The following SNX7 variants were observed in gnomAD, a reference collection of about 807,000 sequenced individuals.
SNX7 encodes the protein sorting nexin-7.
Under a neutral mutation model 48.4 loss-of-function variants are expected in SNX7, and 35 were observed. The ratio of observed to expected loss-of-function variants is 0.72; its 90% CI spans 0.55 to 0.96. The LOEUF (loss-of-function observed/expected upper bound fraction) is 0.96, where lower values mean the gene tolerates loss of function less well. Ranked by LOEUF, SNX7 falls within the 40% of genes least tolerant of loss-of-function variation. SNX7 has a pLI of 0.00. For synonymous variants in SNX7, 190 were observed against 190.2 expected (o/e 1.00, Z 0.01); for missense variants, 553 against 548.9 (o/e 1.01, Z -0.07).
chr1:98,700,104 G>T (rs1456634375), intron 6 of SNX7, among the ~76,000 whole-genome samples: 1 of 152,140 alleles, frequency 6.6e-6, no homozygotes, highest in Non-Finnish European at 1.5e-5. Flanking sequence ...ATTATTAAGG[G>T]TATGGAAAAA....
intron 1 of SNX7, among the ~76,000 whole-genome samples, chr1:98,676,599 G>A (rs1215012886): frequency 6.6e-6 from 1 of 152,138 alleles, no homozygotes; most frequent in Non-Finnish European, 1.5e-5. Context: ...TAAACTTTTT[G>A]TGGGAAGAGC....
At chr1:98,733,050 G>A (rs1653596667) in intron 7 of SNX7, among the ~76,000 whole-genome samples, 1 of 152,076 alleles carries the variant, frequency 6.6e-6, no homozygotes, top group Non-Finnish European at 1.5e-5. Context: ...AGTGTTATTG[G>A]AAGCTTCAAA....
chr1:98,672,930 C>CAA (rs57705068), intron 1 of SNX7, among the ~76,000 whole-genome samples: 26,523 of 87,910 alleles, frequency 0.3, 5,053 homozygotes, highest in African/African-American at 0.33. Flanking sequence ...GACTCCGTCT[C>CAA]AAAAAAAAAA....
At chr1:98,664,475 C>T (rs1192812048) in intron 1 of SNX7, among the ~76,000 whole-genome samples, 1 of 152,146 alleles carries the variant, frequency 6.6e-6, no homozygotes, top group Non-Finnish European at 1.5e-5. Context: ...TTGCAGTGGG[C>T]TGAGAGATCA....
intron 7 of SNX7, among the ~76,000 whole-genome samples, chr1:98,729,496 AT>A (rs36054593): frequency 8.0e-5 from 12 of 149,190 alleles, no homozygotes; most frequent in African/African-American, 1.7e-4. Context: ...CCAGGAGCTG[AT>A]TTTTTTTTTG....
At chr1:98,681,316 G>A (rs903447331) in intron 1 of SNX7, among the ~76,000 whole-genome samples, 1 of 152,176 alleles carries the variant, frequency 6.6e-6, no homozygotes, top group Non-Finnish European at 1.5e-5. Context: ...TACAATTCAA[G>A]ATAAGATTTG....
intron 1 of SNX7, among the ~76,000 whole-genome samples, chr1:98,664,595 A>G (rs1279632592): frequency 3.3e-5 from 5 of 152,238 alleles, no homozygotes; most frequent in African/African-American, 9.6e-5. Context: ...CATGGCAAAT[A>G]TACATTTTGT....
chr1:98,673,590 G>A (rs896557640), intron 1 of SNX7, among the ~76,000 whole-genome samples: 2 of 152,224 alleles, frequency 1.3e-5, no homozygotes, highest in South Asian at 2.1e-4. Flanking sequence ...GACCACTATT[G>A]TATCCCCAGC....
At chr1:98,663,344 A>C (rs555049636) in intron 1 of SNX7, among the ~76,000 whole-genome samples, 1 of 128,814 alleles carries the variant, frequency 7.8e-6, no homozygotes, top group South Asian at 2.6e-4. Context: ...TCCAGCACCC[A>C]AAGGGTTTGG....
At chr1:98,758,984 A>G (rs976707934) in intron 8 of SNX7, among the ~76,000 whole-genome samples, 3 of 152,036 alleles carry the variant, frequency 2.0e-5, no homozygotes, top group African/African-American at 4.8e-5. Context: ...TTGAAATGCA[A>G]CACACTTATA....
intron 2 of SNX7, among the ~76,000 whole-genome samples, chr1:98,686,657 T>C (rs1254278945): frequency 6.6e-6 from 1 of 152,162 alleles, no homozygotes; most frequent in Non-Finnish European, 1.5e-5. Flanking sequence ...TGGAGTTGAA[T>C]CTTGATTTCT....
At position 98,690,734 on chromosome 1, in the gene SNX7, A is replaced by G. The variant is rs561957702; in HGVS notation, c.364-341A>G. 2.0e-5 allele frequency among the ~76,000 whole-genome samples: 3 copies of G among 152,230 alleles called. No homozygotes were observed. In the East Asian group the frequency reaches 5.8e-4, roughly 29 times the overall value. On this transcript the variant is annotated intron_variant, in intron 2 of 8. Coordinates refer to ENST00000306121, the MANE Select transcript of SNX7 (RefSeq NM_015976.5). The stretch of plus-strand genomic sequence containing the variant: ...AAATATATTTGAAACCTAAATTCAG[A>G]ACACACTTGCTTGTTAGCAAGAAAG...
chr1:98,700,455 T>TA (rs2100973367), intron 6 of SNX7, among the ~76,000 whole-genome samples: 1 of 152,264 alleles, frequency 6.6e-6, no homozygotes, highest in East Asian at 1.9e-4. Context: ...TAATGGTATT[T>TA]AAACATTGAG....
intron 7 of SNX7, among the ~76,000 whole-genome samples, chr1:98,702,933 A>C (rs1191736815): frequency 6.6e-6 from 1 of 152,098 alleles, no homozygotes; most frequent in Non-Finnish European, 1.5e-5. Context: ...TAAATCTGTA[A>C]TATTGCAGCC....
At chr1:98,677,053 C>G (rs1650204656) in intron 1 of SNX7, among the ~76,000 whole-genome samples, 1 of 152,108 alleles carries the variant, frequency 6.6e-6, no homozygotes, top group South Asian at 2.1e-4. Context: ...ATTCCAACAT[C>G]TGTATCACTA....
Position 98,691,508 on chromosome 1 carries a change from ATACCTTTT to A in SNX7, c.475-24_475-17del, listed in dbSNP as rs1263083922. ...TAAACCTATGGCTAATAATACTTGAATACCTTTTTAATTTTTTTTGCCTTAGCCATTGC... is the reference window on the plus strand; with the variant it reads ...TAAACCTATGGCTAATAATACTTGAATAATTTTTTTTGCCTTAGCCATTGC... On this transcript the variant is annotated intron_variant, in intron 3 of 8. Transcript: ENST00000306121. 1 of 1,547,002 alleles carries A rather than the reference ATACCTTTT, an allele frequency of 6.5e-7. No individual in the cohort carries two copies. The highest frequency in any genetic ancestry group is 8.7e-7 in the Non-Finnish European group (1 of 1,151,240).
chr1:98,712,955 G>A (rs1158818325), intron 7 of SNX7, among the ~76,000 whole-genome samples: 1 of 152,128 alleles, frequency 6.6e-6, no homozygotes. Flanking sequence ...GCCAGACATA[G>A]TGGCACATGC....
chr1:98,715,802 G>C (rs186719476), intron 7 of SNX7, among the ~76,000 whole-genome samples: 1 of 152,042 alleles, frequency 6.6e-6, no homozygotes, highest in Non-Finnish European at 1.5e-5. Context: ...GGTAGAAAAA[G>C]TTATGTTTAG....
chr1:98,741,285 A>G, intron 8 of SNX7, among the ~76,000 whole-genome samples: 1 of 152,190 alleles, frequency 6.6e-6, no homozygotes, highest in East Asian at 1.9e-4. Flanking sequence ...TAAAAGTTAA[A>G]TATCAAAATG....
Sources: gnomAD v4.1 joint callset for allele counts (sites outside exome capture counted in the v4.1 genomes callset) on GRCh38, gnomAD v4.1.1 for gene constraint, MANE v1.5 for transcripts, NCBI Gene and HGNC (gene_info 2026-07-23, HGNC 2026-07-21) for gene names.